GFRA1: variants seen among roughly 807,000 people sequenced by gnomAD.
GFRA1 encodes GDNF family receptor alpha 1.
A neutral mutation model predicts 51.6 loss-of-function variants in GFRA1; 16 were observed. The ratio of observed to expected loss-of-function variants is 0.31; its 90% CI spans 0.21 to 0.47. The LOEUF (loss-of-function observed/expected upper bound fraction) is 0.47, where lower values mean the gene tolerates loss of function less well. Among genes scored for constraint, GFRA1 ranks in the 20% least tolerant of loss-of-function variants. The pLI is 1.00. For synonymous variants in GFRA1, 270 were observed against 241.3 expected (o/e 1.12, Z -1.10); for missense variants, 530 against 594.3 (o/e 0.89, Z 1.13).
At chr10:116,183,087 T>C (rs1240306524) in intron 5 of GFRA1, among the ~76,000 whole-genome samples, 4 of 152,222 alleles carry the variant, frequency 2.6e-5, no homozygotes, top group Non-Finnish European at 5.9e-5. Context: ...GTCTTGAGTA[T>C]TGAAAGGAAA....
At chr10:116,091,932 GT>G (rs1565568208) in intron 8 of GFRA1, among the ~76,000 whole-genome samples, 1 of 152,138 alleles carries the variant, frequency 6.6e-6, no homozygotes, top group Non-Finnish European at 1.5e-5. Flanking sequence ...CACCAAAAAG[GT>G]TATAAAGCAG....
At chr10:116,225,535 A>C (rs1267364306) in intron 4 of GFRA1, among the ~76,000 whole-genome samples, 3 of 922 alleles carry the variant, frequency 3.3e-3, no homozygotes, top group Non-Finnish European at 9.2e-3. Context: ...GTCTGTCTCC[A>C]AAAAAAAAAA....
At chr10:116,119,911 C>G (rs1957574601) in intron 6 of GFRA1, among the ~76,000 whole-genome samples, 1 of 152,248 alleles carries the variant, frequency 6.6e-6, no homozygotes, top group Non-Finnish European at 1.5e-5. Flanking sequence ...GTCACGGGGT[C>G]ACCCCCAGTG....
At chr10:116,155,075 AAAT>A (rs1959174139) in intron 5 of GFRA1, among the ~76,000 whole-genome samples, 1 of 152,192 alleles carries the variant, frequency 6.6e-6, no homozygotes, top group Non-Finnish European at 1.5e-5. Context: ...TCCCATTTAA[AAAT>A]AATGACACTG....
chr10:116,226,595 A>G (rs1966309006), intron 4 of GFRA1, among the ~76,000 whole-genome samples: 1 of 151,862 alleles, frequency 6.6e-6, no homozygotes, highest in African/African-American at 2.4e-5. Flanking sequence ...GACTGGTTTC[A>G]TGGAAGACAA....
rs920616813 is a variant in GFRA1 at position 116,060,370 on chromosome 10, T to C, written c.*4028A>G. ...TCCTCTGTCGTTCGGATATTATCAATAGCTCTGGCTTCCTGTCTCTAAAGA... is the reference window on the plus strand; with the variant it reads ...TCCTCTGTCGTTCGGATATTATCAACAGCTCTGGCTTCCTGTCTCTAAAGA... On this transcript the variant is annotated 3_prime_UTR_variant, in exon 11 of 11. Transcript: ENST00000355422. 1 of 152,238 alleles carries C rather than the reference T, an allele frequency of 6.6e-6. No homozygotes were observed. The highest frequency in any genetic ancestry group is 1.9e-4 in the East Asian group (1 of 5,200). 9.4% of individuals were successfully genotyped at this position (152,238 alleles called of 1,614,324 possible). A position where few individuals can be genotyped will look rare whatever the true frequency, so the allele number is the denominator to read the frequency against.
At chr10:116,162,277 A>T (rs1959899630) in intron 5 of GFRA1, among the ~76,000 whole-genome samples, 1 of 152,202 alleles carries the variant, frequency 6.6e-6, no homozygotes, top group Admixed American at 6.5e-5. Flanking sequence ...GTCAGGGACT[A>T]GAGTCTAGGG....
At chr10:116,241,553 G>A (rs1173753533) in intron 4 of GFRA1, among the ~76,000 whole-genome samples, 2 of 152,322 alleles carry the variant, frequency 1.3e-5, no homozygotes, top group East Asian at 3.9e-4. Context: ...ACATGATGCA[G>A]ATGAGTTTGG....
At chr10:116,117,701 G>A (rs374937701) in intron 6 of GFRA1, among the ~76,000 whole-genome samples, 1 of 152,012 alleles carries the variant, frequency 6.6e-6, no homozygotes, top group South Asian at 2.1e-4. Flanking sequence ...GATGGAGAGA[G>A]GAACAAAGGT....
At chr10:116,181,797 C>T (rs1010647056) in intron 5 of GFRA1, among the ~76,000 whole-genome samples, 2 of 152,136 alleles carry the variant, frequency 1.3e-5, no homozygotes, top group African/African-American at 4.8e-5. Flanking sequence ...GCGCCCGCTA[C>T]TATGCCCGGC....
chr10:116,111,586 T>C (rs2901097), intron 6 of GFRA1, among the ~76,000 whole-genome samples: 76,436 of 151,986 alleles, frequency 0.5, 20,464 homozygotes, highest in Admixed American at 0.63. Context: ...CCCTCTCCTG[T>C]GTCCTCCCCT....
At chr10:116,131,068 T>G (rs1958084246) in intron 5 of GFRA1, among the ~76,000 whole-genome samples, 1 of 151,972 alleles carries the variant, frequency 6.6e-6, no homozygotes, top group Admixed American at 6.6e-5. Flanking sequence ...TGCCCAAATC[T>G]CAATATAAGA....
intron 5 of GFRA1, among the ~76,000 whole-genome samples, chr10:116,132,032 C>T (rs1235825879): frequency 6.6e-6 from 1 of 151,746 alleles, no homozygotes; most frequent in Non-Finnish European, 1.5e-5. Flanking sequence ...TATAAGGAGG[C>T]ACTGTCGCTA....
intron 5 of GFRA1, among the ~76,000 whole-genome samples, chr10:116,128,110 C>A (rs1327195687): frequency 6.6e-6 from 1 of 152,156 alleles, no homozygotes; most frequent in Non-Finnish European, 1.5e-5. Context: ...GTAATACAGG[C>A]CTGCCAAACT....
intron 6 of GFRA1, among the ~76,000 whole-genome samples, chr10:116,113,094 T>C (rs2133974478): frequency 6.6e-6 from 1 of 152,232 alleles, no homozygotes; most frequent in East Asian, 1.9e-4. Flanking sequence ...TACTAAGACC[T>C]TAATGACTTT....
chr10:116,072,774 A>AC (rs1955460046), intron 9 of GFRA1, among the ~76,000 whole-genome samples: 1 of 151,964 alleles, frequency 6.6e-6, no homozygotes, highest in African/African-American at 2.4e-5. Flanking sequence ...ACAAAACAAA[A>AC]CAAAACAAAA....
chr10:116,148,380 C>G (rs1201820366), intron 5 of GFRA1, among the ~76,000 whole-genome samples: 1 of 152,102 alleles, frequency 6.6e-6, no homozygotes, highest in African/African-American at 2.4e-5. Flanking sequence ...GGTGAAGACT[C>G]TCAACAGGAC....
At chr10:116,217,140 C>A (rs1965620249) in intron 4 of GFRA1, among the ~76,000 whole-genome samples, 2 of 152,166 alleles carry the variant, frequency 1.3e-5, no homozygotes, top group Admixed American at 6.5e-5. Flanking sequence ...AGGTCCAGAC[C>A]TGCAGGTGGG....
chr10:116,116,511 A>C (rs766290213), intron 6 of GFRA1, among the ~76,000 whole-genome samples: 28 of 152,238 alleles, frequency 1.8e-4, no homozygotes, highest in Non-Finnish European at 3.7e-4. Flanking sequence ...CAGGGAGTTA[A>C]GGAATCCAAA....
Sources: gnomAD v4.1 joint callset for allele counts (sites outside exome capture counted in the v4.1 genomes callset) on GRCh38, gnomAD v4.1.1 for gene constraint, MANE v1.5 for transcripts, NCBI Gene and HGNC (gene_info 2026-07-23, HGNC 2026-07-21) for gene names.